C14orf39: variants seen among roughly 807,000 people sequenced by gnomAD.
C14orf39 encodes protein SIX6OS1.
In C14orf39, 66 loss-of-function variants were observed where a neutral mutation model predicts 85.6. The observed-to-expected ratio is 0.77, with a 90% CI of 0.63 to 0.95. The LOEUF (loss-of-function observed/expected upper bound fraction) is 0.95. Ranked by LOEUF, C14orf39 falls within the 40% of genes least tolerant of loss-of-function variation. The pLI, the probability that C14orf39 is intolerant of heterozygous loss-of-function variation, is 0.00. For synonymous variants in C14orf39, 242 were observed against 214.0 expected (o/e 1.13, Z -1.14); for missense variants, 735 against 663.9 (o/e 1.11, Z -1.18).
At chr14:60,497,879 T>C (rs188610970) in intron 2 of C14orf39, among the ~76,000 whole-genome samples, 328 of 147,684 alleles carry the variant, frequency 2.2e-3, no homozygotes, top group African/African-American at 7.8e-3. Flanking sequence ...TGAAACTCCA[T>C]CTCAAAAAAA....
chr14:60,463,859 T>C (rs1203572469), intron 11 of C14orf39, among the ~76,000 whole-genome samples: 1 of 152,164 alleles, frequency 6.6e-6, no homozygotes, highest in Non-Finnish European at 1.5e-5. Flanking sequence ...AGTTTGCTAA[T>C]TGTGCTATTC....
chr14:60,479,803 T>C (rs1044122189), intron 4 of C14orf39, among the ~76,000 whole-genome samples: 2 of 152,190 alleles, frequency 1.3e-5, no homozygotes, highest in Non-Finnish European at 2.9e-5. Flanking sequence ...TATACACCTA[T>C]ATCACAATTT....
chr14:60,458,315 C>T (rs1891370964), intron 14 of C14orf39, among the ~76,000 whole-genome samples: 1 of 151,852 alleles, frequency 6.6e-6, no homozygotes. Context: ...CCAATCTATC[C>T]TGTATCATCT....
chr14:60,494,042 C>G (rs895382483), intron 2 of C14orf39: 1 of 253,584 alleles, frequency 3.9e-6, no homozygotes, highest in Non-Finnish European at 8.1e-6. Context: ...CACTGGCGCT[C>G]TAGACCACGG....
chr14:60,505,167 T>G (rs1477583493), intron 1 of C14orf39, among the ~76,000 whole-genome samples: 1 of 152,194 alleles, frequency 6.6e-6, no homozygotes, highest in East Asian at 1.9e-4. Context: ...AAATATACAA[T>G]TAAAGAGCCT....
At chr14:60,453,586 T>C (rs1185209411) in intron 16 of C14orf39, among the ~76,000 whole-genome samples, 1 of 151,866 alleles carries the variant, frequency 6.6e-6, no homozygotes, top group African/African-American at 2.4e-5. Context: ...TAAAGTTTAT[T>C]TGTTTTATGA....
intron 17 of C14orf39, among the ~76,000 whole-genome samples, chr14:60,440,585 A>G (rs752449141): frequency 1.7e-4 from 26 of 152,082 alleles, no homozygotes; most frequent in Non-Finnish European, 3.2e-4. Context: ...CCTTGTTTCC[A>G]TACAGTCTGT....
chr14:60,442,368 G>A (rs771192853), intron 16 of C14orf39, among the ~76,000 whole-genome samples: 3 of 152,066 alleles, frequency 2.0e-5, no homozygotes, highest in Non-Finnish European at 4.4e-5. Context: ...ACTAAAGATA[G>A]CTCTTACTTT....
intron 16 of C14orf39, among the ~76,000 whole-genome samples, chr14:60,446,334 T>C (rs765484166): frequency 2.6e-5 from 4 of 151,396 alleles, no homozygotes; most frequent in Non-Finnish European, 5.9e-5. Flanking sequence ...GAGAGAAGAA[T>C]CAAATAGATG....
At chr14:60,473,743 T>C (rs1251051897) in intron 5 of C14orf39, among the ~76,000 whole-genome samples, 3 of 152,166 alleles carry the variant, frequency 2.0e-5, no homozygotes, top group African/African-American at 7.2e-5. Context: ...CAGGGCTCTG[T>C]TCTGTTCCAT....
At position 60,469,582 on chromosome 14, in the gene C14orf39, A is replaced by G; in HGVS notation, c.626T>C (p.Leu209Ser). Reference protein sequence around the residue: ...ASNLTKSSSELKKEVDEMEIE... With the variant: ...ASNLTKSSSESKKEVDEMEIE... Reference sequence around the variant, plus strand: ...TTCCATTTCATCTACTTCTTTCTTCAATTCGGATGAACTTTTGGTAAGATT... The same window carrying G: ...TTCCATTTCATCTACTTCTTTCTTCGATTCGGATGAACTTTTGGTAAGATT... The change falls in exon 8 of 18, where the codon TTG becomes TCG. Residue 209 changes from leucine to serine, a missense_variant. Leu to Ser is a moderately radical substitution (Grantham distance 145). Transcript: ENST00000321731. 1 of 1,519,638 alleles carries G rather than the reference A, an allele frequency of 6.6e-7. No individual in the cohort carries two copies. Among genetic ancestry groups the G allele is most frequent in the South Asian group, 1.3e-5 (1 of 75,054 alleles). The allele number at this position is 1,519,638 out of a possible 1,614,324, so 94.1% of individuals were successfully genotyped here. A position where few individuals can be genotyped will look rare whatever the true frequency, so the allele number is the denominator to read the frequency against.
At chr14:60,489,876 C>G (rs1429261365), upstream of C14orf39, among the ~76,000 whole-genome samples, 1 of 152,144 alleles carries the variant, frequency 6.6e-6, no homozygotes, top group East Asian at 1.9e-4. Flanking sequence ...CTCACAGTCT[C>G]CCTCCTCTTT....
intron 4 of C14orf39, among the ~76,000 whole-genome samples, chr14:60,482,041 T>G (rs1251525337): frequency 6.6e-6 from 1 of 152,232 alleles, no homozygotes; most frequent in Non-Finnish European, 1.5e-5. Context: ...TCTAGTACTT[T>G]CATAGATTCT....
At chr14:60,466,801 T>TA in intron 10 of C14orf39, 116 bp downstream of exon 10, 1 of 677,806 alleles carries the variant, frequency 1.5e-6, no homozygotes, top group East Asian at 3.8e-5. Context: ...CTTGAGTTTA[T>TA]AGGTCTCCAG....
At chr14:60,460,964 G>T (rs1227517257) in intron 13 of C14orf39, among the ~76,000 whole-genome samples, 1 of 151,524 alleles carries the variant, frequency 6.6e-6, no homozygotes, top group African/African-American at 2.4e-5. Context: ...ACATTATACA[G>T]TCATTACAAA....
intron 16 of C14orf39, among the ~76,000 whole-genome samples, chr14:60,446,126 G>A (rs931418955): frequency 6.6e-5 from 10 of 152,234 alleles, no homozygotes; most frequent in Middle Eastern, 3.4e-3. Flanking sequence ...ATCTAAAATC[G>A]ACACCCTAAC....
chr14:60,489,120 A>G (rs546609418), upstream of C14orf39, among the ~76,000 whole-genome samples: 7 of 152,266 alleles, frequency 4.6e-5, no homozygotes, highest in Admixed American at 3.3e-4. Flanking sequence ...ATTATCAGGG[A>G]GTTATCCAAA....
At chr14:60,503,163 A>G (rs1316578061) in intron 1 of C14orf39, among the ~76,000 whole-genome samples, 1 of 152,186 alleles carries the variant, frequency 6.6e-6, no homozygotes, top group Admixed American at 6.5e-5. Context: ...GCCAATACAC[A>G]GTGTGCTGAC....
intron 17 of C14orf39, among the ~76,000 whole-genome samples, chr14:60,440,926 T>G (rs907501285): frequency 3.9e-5 from 6 of 152,206 alleles, no homozygotes; most frequent in African/African-American, 1.4e-4. Context: ...TGTTGACTTT[T>G]AGTGATGCCT....
Sources: allele counts gnomAD v4.1 joint callset (sites outside exome capture counted in the v4.1 genomes callset), GRCh38; gene constraint gnomAD v4.1.1; transcripts MANE v1.5; gene names NCBI Gene and HGNC (gene_info 2026-07-23, HGNC 2026-07-21).